LRRTM4: variants seen among roughly 807,000 people sequenced by gnomAD.
LRRTM4 encodes the protein leucine-rich repeat transmembrane neuronal protein 4.
In LRRTM4, 25 loss-of-function variants were observed where a neutral mutation model predicts 47.6. The observed-to-expected ratio is 0.53, with a 90% CI of 0.38 to 0.73. The LOEUF is 0.73. Ranked by LOEUF, LRRTM4 falls within the 30% of genes least tolerant of loss-of-function variation. LRRTM4 has a pLI of 0.00. For synonymous variants in LRRTM4, 311 were observed against 269.5 expected, an observed-to-expected ratio of 1.15 and a Z score of -1.51; for missense variants, 638 against 713.4, an observed-to-expected ratio of 0.89 and a Z score of 1.20.
chr2:77,000,891 A>G (rs887605208), intron 3 of LRRTM4, among the ~76,000 whole-genome samples: 1 of 152,026 alleles, frequency 6.6e-6, no homozygotes, highest in Non-Finnish European at 1.5e-5. Context: ...ATTCTTGTAC[A>G]CTGGGAATCT....
At chr2:77,076,956 A>T (rs1380727965) in intron 3 of LRRTM4, among the ~76,000 whole-genome samples, 1 of 152,132 alleles carries the variant, frequency 6.6e-6, no homozygotes, top group African/African-American at 2.4e-5. Context: ...GTAATGAGGT[A>T]AACAATAACA....
intron 3 of LRRTM4, among the ~76,000 whole-genome samples, chr2:76,883,349 A>T (rs1172075712): frequency 6.6e-6 from 1 of 152,182 alleles, no homozygotes; most frequent in African/African-American, 2.4e-5. Context: ...ACACATAGTA[A>T]ATGCCCAATT....
At chr2:76,832,133 A>T (rs574538133) in intron 3 of LRRTM4, among the ~76,000 whole-genome samples, 1 of 152,216 alleles carries the variant, frequency 6.6e-6, no homozygotes, top group Non-Finnish European at 1.5e-5. Context: ...GGCAGGAACA[A>T]ATTAGTTTTG....
chr2:76,999,001 T>A (rs958826906), intron 3 of LRRTM4, among the ~76,000 whole-genome samples: 1 of 86,234 alleles, frequency 1.2e-5, no homozygotes, highest in African/African-American at 3.8e-5. Context: ...TCAGTCTAAC[T>A]TAGAGAGCTG....
chr2:76,941,648 C>T (rs556308212), intron 3 of LRRTM4, among the ~76,000 whole-genome samples: 1 of 152,216 alleles, frequency 6.6e-6, no homozygotes, highest in African/African-American at 2.4e-5. Flanking sequence ...TGAACTCAAC[C>T]TTTATATGGC....
chr2:77,249,832 G>T (rs141179913), intron 3 of LRRTM4, among the ~76,000 whole-genome samples: 1 of 152,106 alleles, frequency 6.6e-6, no homozygotes, highest in Non-Finnish European at 1.5e-5. Context: ...TTCATCCAAG[G>T]GTGTAAAACT....
Position 77,065,582 on chromosome 2 carries a change from C to T in LRRTM4, c.1552-316666G>A, listed in dbSNP as rs576992279. ...AACAACATAGTCTAACAGAATAACA[C>T]GTTGGATTATATGAAATGAAATTTC... is the stretch of plus-strand genomic sequence containing the variant. On this transcript the variant is annotated intron_variant, in intron 3 of 3. Coordinates refer to ENST00000409884, the MANE Select transcript of LRRTM4 (RefSeq NM_001134745.3). 1.1e-4 allele frequency among the ~76,000 whole-genome samples: 16 copies of T among 152,124 alleles called. 1 individual carries two copies. The South Asian group carries it at 3.3e-3, about 32-fold the overall frequency.
intron 3 of LRRTM4, among the ~76,000 whole-genome samples, chr2:77,160,415 T>C (rs1340294578): frequency 7.2e-5 from 11 of 152,054 alleles, no homozygotes; most frequent in African/African-American, 2.2e-4. Context: ...AAATTAGAGA[T>C]GCTGTGTTTG....
intron 3 of LRRTM4, among the ~76,000 whole-genome samples, chr2:77,442,692 A>G (rs1355213491): frequency 6.6e-6 from 1 of 152,212 alleles, no homozygotes; most frequent in Non-Finnish European, 1.5e-5. Flanking sequence ...TCTATGTTTC[A>G]GGTCCTATGA....
intron 3 of LRRTM4, among the ~76,000 whole-genome samples, chr2:77,223,417 T>C (rs1039915405): frequency 2.0e-5 from 3 of 152,120 alleles, no homozygotes; most frequent in South Asian, 4.1e-4. Flanking sequence ...GGAAGTCAAA[T>C]TGTCCCTGTT....
intron 3 of LRRTM4, among the ~76,000 whole-genome samples, chr2:76,879,288 C>T (rs190072518): frequency 2.0e-5 from 3 of 152,206 alleles, no homozygotes; most frequent in African/African-American, 7.2e-5. Context: ...AAAGCTTCGC[C>T]GGAAAGGGTG....
chr2:76,793,710 C>T (rs993287169), intron 3 of LRRTM4, among the ~76,000 whole-genome samples: 3 of 152,066 alleles, frequency 2.0e-5, no homozygotes, highest in Non-Finnish European at 2.9e-5. Flanking sequence ...TGCAAAGTGT[C>T]TTCCATTTCA....
intron 3 of LRRTM4, among the ~76,000 whole-genome samples, chr2:76,762,022 G>C (rs1232835716): frequency 6.6e-6 from 1 of 152,146 alleles, no homozygotes; most frequent in Non-Finnish European, 1.5e-5. Context: ...ACAGAGAATA[G>C]CTTGCAAAAG....
chr2:76,834,029 T>TATTC (rs1291265310), intron 3 of LRRTM4, among the ~76,000 whole-genome samples: 1 of 126,836 alleles, frequency 7.9e-6, no homozygotes, highest in African/African-American at 3.5e-5. Context: ...ATTATTTATT[T>TATTC]ATTTATTTAT....
chr2:76,976,470 CA>C (rs1427775440), intron 3 of LRRTM4, among the ~76,000 whole-genome samples: 1 of 151,594 alleles, frequency 6.6e-6, no homozygotes, highest in East Asian at 2.0e-4. Context: ...AATTATGAGA[CA>C]AAATGTTAAC....
In LRRTM4 at chr2:77,102,795, G is replaced by A. The variant is rs549104460; in HGVS notation, c.1552-353879C>T. On this transcript the variant is annotated intron_variant, in intron 3 of 3. Transcript: ENST00000409884. ...ATATTATCACATAATAGGGGTCAAC[G>A]AGCTGACTGGTGAGACAAACCAGTT... Among the ~76,000 whole-genome samples, 7 of 152,204 alleles carry A rather than the reference G, an allele frequency of 4.6e-5. No homozygotes were observed. The East Asian group carries it at 1.2e-3, about 25-fold the overall frequency.
intron 3 of LRRTM4, among the ~76,000 whole-genome samples, chr2:77,459,808 GACAA>G (rs1301222118): frequency 4.1e-5 from 6 of 147,148 alleles, no homozygotes; most frequent in Admixed American, 1.4e-4. Flanking sequence ...CCAATGTACA[GACAA>G]ACAAACAACA....
At chr2:77,285,767 T>G (rs1178659760) in intron 3 of LRRTM4, among the ~76,000 whole-genome samples, 5 of 151,758 alleles carry the variant, frequency 3.3e-5, no homozygotes, top group Non-Finnish European at 5.9e-5. Context: ...AAAATCCTGA[T>G]AGTCTAAAAT....
rs1573522203 is a variant in LRRTM4, at chr2:77,519,464, G to A, written c.405C>T (p.Leu135=). 6.2e-7 allele frequency: 1 copy of A among 1,613,520 alleles called. No individual in the cohort carries two copies. Among genetic ancestry groups the A allele is most frequent in the Non-Finnish European group, 8.5e-7 (1 of 1,179,648 alleles). Residue 135 remains leucine (L), a synonymous_variant, in exon 3 of 4, where the codon CTC becomes CTT. Coordinates refer to ENST00000409884, the MANE Select transcript of LRRTM4 (RefSeq NM_001134745.3). The surrounding 1 kb of genome is among the most constrained non-coding windows in gnomAD (Gnocchi z 4.6). ...TATTGTAGGAGAGGTCCAGATTGCG[G>A]AGATTGGGAACTGGGTGAAATGTTT... ...HNKTFHPVPN[L]RNLDLSYNKL... is the part of the protein sequence containing the mutation.
Sources: gnomAD v4.1 joint callset for allele counts (sites outside exome capture counted in the v4.1 genomes callset) on GRCh38, gnomAD v4.1.1 for gene constraint, Gnocchi (gnomAD v3.1) non-coding constraint, MANE v1.5 for transcripts, NCBI Gene and HGNC (gene_info 2026-07-23, HGNC 2026-07-21) for gene names.